Variants in LIPI observed in about 807,000 individuals in gnomAD.
LIPI encodes the protein lipase member I.
LIPI carries 59 observed loss-of-function variants against 50.6 expected under a neutral mutation model. The ratio of observed to expected loss-of-function variants is 1.16; its 90% CI spans 0.94 to 1.45. LIPI has a LOEUF of 1.45. Among genes scored for constraint, LIPI ranks in the 40% most tolerant of loss-of-function variants. LIPI has a pLI of 0.00. For synonymous variants in LIPI, 203 were observed against 178.2 expected (o/e 1.14, Z -1.11); for missense variants, 586 against 536.3 (o/e 1.09, Z -0.92).
chr21:14,197,802 C>T (rs1394182253), intron 1 of LIPI, among the ~76,000 whole-genome samples: 1 of 151,754 alleles, frequency 6.6e-6, no homozygotes. Context: ...AAGATCATCC[C>T]CAAGACACAT....
chr21:14,129,266 C>G (rs1475568), intron 9 of LIPI, among the ~76,000 whole-genome samples: 49,883 of 151,608 alleles, frequency 0.33, 8,310 homozygotes, highest in East Asian at 0.45. Flanking sequence ...ATATATTATA[C>G]CACTAAAAAT....
intron 4 of LIPI, among the ~76,000 whole-genome samples, chr21:14,174,777 A>T (rs567210122): frequency 2.0e-5 from 3 of 151,754 alleles, no homozygotes; most frequent in Non-Finnish European, 4.4e-5. Flanking sequence ...CTGGTCTCGA[A>T]CTCCTGACCT....
At chr21:14,153,133 A>G (rs1032051906) in intron 7 of LIPI, among the ~76,000 whole-genome samples, 25 of 152,294 alleles carry the variant, frequency 1.6e-4, no homozygotes, top group Non-Finnish European at 3.1e-4. Context: ...TTCCAGAATG[A>G]CTGTGAATAT....
intron 1 of LIPI, among the ~76,000 whole-genome samples, chr21:14,190,540 T>G (rs1391903016): frequency 2.0e-5 from 3 of 152,206 alleles, no homozygotes; most frequent in Non-Finnish European, 4.4e-5. Flanking sequence ...ATTTTAATAC[T>G]GAGATAATAT....
chr21:14,125,359 T>C (rs2017018751), intron 9 of LIPI, among the ~76,000 whole-genome samples: 1 of 152,194 alleles, frequency 6.6e-6, no homozygotes, highest in African/African-American at 2.4e-5. Context: ...AGTTAGACTG[T>C]AATAAAGTTA....
intron 1 of LIPI, among the ~76,000 whole-genome samples, chr21:14,197,208 T>C (rs955085499): frequency 2.8e-4 from 43 of 151,422 alleles, no homozygotes; most frequent in African/African-American, 1.1e-3. Flanking sequence ...AATAACAGAA[T>C]GCTTTTTTAT....
intron 7 of LIPI, among the ~76,000 whole-genome samples, chr21:14,158,386 A>G (rs2018345462): frequency 6.6e-6 from 1 of 151,682 alleles, no homozygotes; most frequent in Admixed American, 6.6e-5. Flanking sequence ...TACATAGAAC[A>G]GAATAAAAAA....
At chr21:14,151,138 A>G (rs368310359) in intron 8 of LIPI, among the ~76,000 whole-genome samples, 3 of 152,236 alleles carry the variant, frequency 2.0e-5, no homozygotes, top group East Asian at 3.9e-4. Context: ...GTTATGGTGA[A>G]CTTATCATTA....
At chr21:14,159,916 C>A (rs952362822) in intron 7 of LIPI, among the ~76,000 whole-genome samples, 3 of 151,206 alleles carry the variant, frequency 2.0e-5, no homozygotes, top group Non-Finnish European at 4.4e-5. Flanking sequence ...GTGGTATACA[C>A]ACAACAAAAG....
chr21:14,128,149 T>A (rs539311218), intron 9 of LIPI, among the ~76,000 whole-genome samples: 101 of 152,164 alleles, frequency 6.6e-4, no homozygotes, highest in African/African-American at 2.2e-3. Context: ...CTGTGTCATA[T>A]AATGTAAAAA....
At chr21:14,156,145 C>A (rs991478432) in intron 7 of LIPI, among the ~76,000 whole-genome samples, 1 of 151,942 alleles carries the variant, frequency 6.6e-6, no homozygotes, top group Non-Finnish European at 1.5e-5. Flanking sequence ...CCAAATATAT[C>A]CTTGTCCTAA....
intron 4 of LIPI, among the ~76,000 whole-genome samples, chr21:14,170,992 A>C (rs1450463262): frequency 1.3e-5 from 2 of 151,616 alleles, no homozygotes; most frequent in Admixed American, 6.6e-5. Context: ...AAATCTCCTT[A>C]AGCTGATAAG....
intron 9 of LIPI, among the ~76,000 whole-genome samples, chr21:14,115,742 G>A (rs889076152): frequency 2.6e-5 from 4 of 152,100 alleles, no homozygotes; most frequent in African/African-American, 4.8e-5. Flanking sequence ...AGAGCAGTGC[G>A]CAGGCAGACT....
chr21:14,172,262 G>C (rs953370639), intron 4 of LIPI, among the ~76,000 whole-genome samples: 24 of 151,864 alleles, frequency 1.6e-4, no homozygotes, highest in Non-Finnish European at 3.2e-4. Flanking sequence ...CTTTTACACT[G>C]TTGGTGGAAC....
intron 1 of LIPI, among the ~76,000 whole-genome samples, chr21:14,191,376 C>CAAAAA (rs71183411): frequency 2.3e-5 from 2 of 86,296 alleles, no homozygotes; most frequent in African/African-American, 9.3e-5. Context: ...GACTCCGTCT[C>CAAAAA]AAAAAAAAAA....
At chr21:14,181,896 T>A in intron 3 of LIPI, 37 bp from the exon 4 acceptor site, 1 of 1,079,056 alleles carries the variant, frequency 9.3e-7, no homozygotes, top group South Asian at 1.3e-5. Context: ...TCTCATCAAG[T>A]CCACAGAGCT....
intron 7 of LIPI, among the ~76,000 whole-genome samples, chr21:14,157,087 T>C (rs2018301312): frequency 6.6e-6 from 1 of 151,904 alleles, no homozygotes; most frequent in Admixed American, 6.6e-5. Flanking sequence ...CAAGGGGATT[T>C]ATAAGACAGG....
chr21:14,179,617 C>A (rs548808778), intron 4 of LIPI, among the ~76,000 whole-genome samples: 2 of 152,282 alleles, frequency 1.3e-5, no homozygotes, highest in Admixed American at 1.3e-4. Flanking sequence ...GAGGGACCGG[C>A]TGGAGCCGCA....
At chr21:14,204,021 G>A (rs1276533592) in intron 1 of LIPI, among the ~76,000 whole-genome samples, 1 of 151,908 alleles carries the variant, frequency 6.6e-6, no homozygotes, top group Non-Finnish European at 1.5e-5. Context: ...TCACTTCTAA[G>A]TGGGAGCTAA....
Sources: allele counts gnomAD v4.1 joint callset (sites outside exome capture counted in the v4.1 genomes callset), GRCh38; gene constraint gnomAD v4.1.1; transcripts MANE v1.5; gene names NCBI Gene and HGNC (gene_info 2026-07-23, HGNC 2026-07-21).